The following DELE1 variants were observed in gnomAD, a reference collection of about 807,000 sequenced individuals.
DELE1 encodes DAP3 binding cell death enhancer 1.
In DELE1, 54 loss-of-function variants were observed where a neutral mutation model predicts 59.3. The ratio of observed to expected loss-of-function variants is 0.91; its 90% CI spans 0.73 to 1.14. DELE1 has a LOEUF of 1.14. Among genes scored for constraint, DELE1 ranks in the 50% most tolerant of loss-of-function variants. DELE1 has a pLI of 0.00. For missense variants in DELE1, 636 were observed against 643.9 expected (o/e 0.99, Z 0.13); for synonymous variants, 264 against 259.1 (o/e 1.02, Z -0.18).
At chr5:141,937,518 C>A (rs1408258856) in intron 11 of DELE1, among the ~76,000 whole-genome samples, 161 bp downstream of exon 11, 1 of 151,950 alleles carries the variant, frequency 6.6e-6, no homozygotes, top group African/African-American at 2.4e-5. Flanking sequence ...CGCCTGTAAT[C>A]CCAGCACTTT....
rs1752645399 is a variant in DELE1 at position 141,940,053 on chromosome 5, G to A, written c.*1294G>A. 3.0e-6 allele frequency: 3 copies of A among 985,276 alleles called. No individual in the cohort carries two copies. Among genetic ancestry groups the A allele is most frequent in the Non-Finnish European group, 3.6e-6 (3 of 829,872 alleles). The allele number at this position is 985,276 out of a possible 1,614,324, so 61.0% of individuals were successfully genotyped here. A position where few individuals can be genotyped will look rare whatever the true frequency, so the allele number is the denominator to read the frequency against. On this transcript the variant is annotated 3_prime_UTR_variant, in exon 12 of 12. Coordinates refer to ENST00000432126, the MANE Select transcript of DELE1 (RefSeq NM_014773.5). ...AGAGTAAATGTAGATTGAATGCTAG[G>A]AGTCTTAAAGCTGGAGAGTATAGAT...
intron 4 of DELE1, 140 bp downstream of exon 4, chr5:141,928,438 G>C: frequency 9.5e-7 from 1 of 1,058,130 alleles, no homozygotes; most frequent in Non-Finnish European, 1.3e-6. Context: ...GAGGAATGTG[G>C]GGAAGTTCTA....
chr5:141,929,802 A>G lies in DELE1; in HGVS notation c.571+62A>G. 3.1e-6 allele frequency: 5 copies of G among 1,593,996 alleles called. No individual in the cohort carries two copies. In the South Asian group the frequency reaches 3.3e-5, roughly 11 times the overall value. Reference sequence around the variant, plus strand: ...GGGCGGTGGTGGTGAGCTGGGCAAGATGGACGTTGTTTGCTGCGAAGGGAA... The same window carrying G: ...GGGCGGTGGTGGTGAGCTGGGCAAGGTGGACGTTGTTTGCTGCGAAGGGAA... On this transcript the variant is annotated intron_variant, in intron 5 of 11. Coordinates refer to ENST00000432126, the MANE Select transcript of DELE1 (RefSeq NM_014773.5).
rs78224595 is a variant in DELE1, at chr5:141,940,069, G to T, written c.*1310G>T. The T allele has an allele frequency of 1.4e-5, 14 of 985,280 alleles. No homozygotes were observed. Among genetic ancestry groups the T allele is most frequent in the African/African-American group, 1.7e-5 (1 of 57,246 alleles). The allele number at this position is 985,280 out of a possible 1,614,324, so 61.0% of individuals were successfully genotyped here. On this transcript the variant is annotated 3_prime_UTR_variant, in exon 12 of 12. Coordinates refer to ENST00000432126, the MANE Select transcript of DELE1 (RefSeq NM_014773.5). ...GAATGCTAGGAGTCTTAAAGCTGGA[G>T]AGTATAGATTTTGAGGTCCCCATTT...
rs1752744858 is a variant in DELE1 at position 141,941,673 on chromosome 5, C to T, written c.*2914C>T. On this transcript the variant is annotated 3_prime_UTR_variant, in exon 12 of 12. Transcript: ENST00000432126. Reference sequence around the variant, plus strand: ...AGACCTTTGTGGGAAGCTCTACTGCCTCAGTTTCCCTATCCGGAGATGCTG... The same window carrying T: ...AGACCTTTGTGGGAAGCTCTACTGCTTCAGTTTCCCTATCCGGAGATGCTG... 5.1e-6 allele frequency: 5 copies of T among 985,418 alleles called. No individual in the cohort carries two copies. Among genetic ancestry groups the T allele is most frequent in the African/African-American group, 3.5e-5 (2 of 57,344 alleles). The allele number at this position is 985,418 out of a possible 1,614,324, so 61.0% of individuals were successfully genotyped here.
At chr5:141,925,118 A>G (rs1751287453) in intron 2 of DELE1, among the ~76,000 whole-genome samples, 3 of 151,540 alleles carry the variant, frequency 2.0e-5, no homozygotes, top group Non-Finnish European at 2.9e-5. Flanking sequence ...TTTAGTAGAG[A>G]CGGGGTTTCA....
chr5:141,939,401 C>T lies in DELE1; in HGVS notation c.*642C>T. ...GGGGTGGTTCCATGAATGGCTGACA[C>T]TTAGGAAACTCTGAATTAGGCCATC... On this transcript the variant is annotated 3_prime_UTR_variant, in exon 12 of 12. Transcript: ENST00000432126. 1 of 985,692 alleles carries T rather than the reference C, an allele frequency of 1.0e-6. No individual in the cohort carries two copies. Among genetic ancestry groups the T allele is most frequent in the Non-Finnish European group, 1.2e-6 (1 of 829,784 alleles). 61.1% of individuals were successfully genotyped at this position (985,692 alleles called of 1,614,324 possible).
At position 141,939,131 on chromosome 5, in the gene DELE1, G is replaced by C; in HGVS notation, c.*372G>C. ...TTCTCACACTTAAATCTGTACTACT[G>C]TTTGCCAATGTCTGATGTGTGTATC... On this transcript the variant is annotated 3_prime_UTR_variant, in exon 12 of 12. Coordinates refer to ENST00000432126, the MANE Select transcript of DELE1 (RefSeq NM_014773.5). 9.9e-7 allele frequency: 1 copy of C among 1,007,384 alleles called. No individual in the cohort carries two copies. Among genetic ancestry groups the C allele is most frequent in the Non-Finnish European group, 1.2e-6 (1 of 843,286 alleles). The allele number at this position is 1,007,384 out of a possible 1,614,324, so 62.4% of individuals were successfully genotyped here. A position where few individuals can be genotyped will look rare whatever the true frequency, so the allele number is the denominator to read the frequency against.
intron 8 of DELE1, 91 bp from the exon 9 acceptor site, chr5:141,934,149 A>T: frequency 1.9e-6 from 2 of 1,045,306 alleles, no homozygotes; most frequent in Non-Finnish European, 2.7e-6. Context: ...ATTATGTATT[A>T]GTTAATTAAA....
chr5:141,925,937 C>T (rs111248166), intron 3 of DELE1, among the ~76,000 whole-genome samples: 3,146 of 152,012 alleles, frequency 0.021, 114 homozygotes, highest in African/African-American at 0.072. Context: ...TGAAGTGCAG[C>T]GGCATGATCT....
At position 141,938,789 on chromosome 5, in the gene DELE1, C is replaced by A; in HGVS notation, c.*30C>A. ...AGATAAAACATAGTCCCTGGTGCCT[C>A]TTAGGGGCCAGAGCGGGCAGGAGGT... On this transcript the variant is annotated 3_prime_UTR_variant, in exon 12 of 12. Transcript: ENST00000432126. 6.3e-7 allele frequency: 1 copy of A among 1,583,218 alleles called. No individual in the cohort carries two copies. Among genetic ancestry groups the A allele is most frequent in the Middle Eastern group, 1.7e-4 (1 of 5,870 alleles).
intron 7 of DELE1, among the ~76,000 whole-genome samples, chr5:141,930,982 T>A (rs1751863971): frequency 6.6e-6 from 1 of 152,162 alleles, no homozygotes; most frequent in Admixed American, 6.5e-5. Context: ...ATACAGTGAT[T>A]TACAAGACAA....
intron 11 of DELE1, among the ~76,000 whole-genome samples, chr5:141,938,104 G>A (rs113192076): frequency 0.056 from 8,549 of 152,096 alleles, 802 homozygotes; most frequent in African/African-American, 0.2. Context: ...GGGATTACAA[G>A]TGTGAGCCAC....
Position 141,929,717 on chromosome 5 carries a change from G to C in DELE1, c.548G>C (p.Arg183Pro). ...NFSHNSLRGA[R>P]PQDPSEEGPG... ...TCACACAACTCTTTGAGAGGAGCTC[G>C]TCCTCAGGACCCCTCTGAGGAAGGT... The change falls in exon 5 of 12, where the codon CGT (arginine) becomes CCT (proline). Residue 183 changes from arginine to proline, a missense_variant. Arg to Pro is a moderately radical substitution (Grantham distance 103, BLOSUM62 -2). Coordinates refer to ENST00000432126, the MANE Select transcript of DELE1 (RefSeq NM_014773.5). 1 of 1,614,200 alleles carries C rather than the reference G, an allele frequency of 6.2e-7. No homozygotes were observed. Among genetic ancestry groups the C allele is most frequent in the Non-Finnish European group, 8.5e-7 (1 of 1,180,034 alleles).
Position 141,930,185 on chromosome 5 carries a change from A to G in DELE1, c.665A>G (p.Asp222Gly), listed in dbSNP as rs959071683. ...TTTATATTTCTTTCCCAGGAACAAGATAAATCAAAAACTCTTTCCCTTGAG... is the reference window on the plus strand; with the variant it reads ...TTTATATTTCTTTCCCAGGAACAAGGTAAATCAAAAACTCTTTCCCTTGAG... The part of the protein sequence containing the change: ...QPQPTGEKEQ[D>G]KSKTLSLEEA... Residue 222 changes from aspartate (D) to glycine (G), a missense_variant, in exon 7 of 12, where the codon GAT (aspartate) becomes GGT (glycine). Coordinates refer to ENST00000432126, the MANE Select transcript of DELE1 (RefSeq NM_014773.5). The G allele has an allele frequency of 5.0e-6, 8 of 1,613,316 alleles. No individual in the cohort carries two copies. The highest frequency in any genetic ancestry group is 2.2e-5 in the East Asian group (1 of 44,888).
intron 7 of DELE1, among the ~76,000 whole-genome samples, chr5:141,931,956 T>G (rs1464012887): frequency 6.6e-6 from 1 of 152,242 alleles, no homozygotes; most frequent in Non-Finnish European, 1.5e-5. Flanking sequence ...GTTTTGCATT[T>G]GTATGGCGCC....
At chr5:141,933,111 A>AAAAAAAT (rs1554076875) in intron 7 of DELE1, 148 bp from the exon 8 acceptor site, 6 of 94,426 alleles carry the variant, frequency 6.4e-5, no homozygotes, top group African/African-American at 2.6e-4. Flanking sequence ...AAAAAAAAAA[A>AAAAAAAT]ATATATATAT....
intron 7 of DELE1, among the ~76,000 whole-genome samples, chr5:141,932,555 G>A (rs1031376919): frequency 6.6e-6 from 1 of 152,200 alleles, no homozygotes; most frequent in African/African-American, 2.4e-5. Context: ...TCTTCAGAGT[G>A]CTGCTGTCAG....
chr5:141,925,166 TG>T (rs1751294868), intron 2 of DELE1, among the ~76,000 whole-genome samples: 1 of 151,632 alleles, frequency 6.6e-6, no homozygotes, highest in Non-Finnish European at 1.5e-5. Flanking sequence ...CCTGATCTCA[TG>T]ATCTGCCCGC....
Sources: gnomAD v4.1 joint callset for allele counts (sites outside exome capture counted in the v4.1 genomes callset) on GRCh38, gnomAD v4.1.1 for gene constraint, MANE v1.5 for transcripts, NCBI Gene and HGNC (gene_info 2026-07-23, HGNC 2026-07-21) for gene names.